The following ATP8B1 variants were observed in gnomAD, a reference collection of about 807,000 sequenced individuals.
ATP8B1 encodes phospholipid-transporting ATPase IC.
A neutral mutation model predicts 149.9 loss-of-function variants in ATP8B1; 80 were observed. That is an observed-to-expected ratio of 0.53 (90% confidence interval 0.45 to 0.64). The LOEUF (loss-of-function observed/expected upper bound fraction) is 0.64. ATP8B1 is among the 30% of genes least tolerant of loss of function. The pLI is 0.00. For synonymous variants in ATP8B1, 536 were observed against 562.8 expected (o/e 0.95, Z 0.67); for missense variants, 1,247 against 1,552.6 (o/e 0.80, Z 3.31).
intron 1 of ATP8B1, among the ~76,000 whole-genome samples, chr18:57,733,551 A>T (rs1042744413): frequency 2.0e-5 from 3 of 152,012 alleles, no homozygotes; most frequent in Non-Finnish European, 2.9e-5. Flanking sequence ...CTAAAAATAT[A>T]AAAAATTAGC....
At position 57,662,479 on chromosome 18, in the gene ATP8B1, G is replaced by A. The variant is rs777913106; in HGVS notation, c.2418+4C>T. ...AAAGGCACAGATACACTAATGATAC[G>A]TACCAACCAAGAACCAGTGATGATT... On this transcript the variant is annotated splice_donor_region_variant and intron_variant, in intron 21 of 27. Coordinates refer to ENST00000648908, the MANE Select transcript of ATP8B1 (RefSeq NM_001374385.1). 1.3e-5 allele frequency: 21 copies of A among 1,613,874 alleles called. No homozygotes were observed. In the Middle Eastern group the frequency reaches 4.9e-4, roughly 38 times the overall value.
rs561967151 is a variant in ATP8B1 at position 57,650,483 on chromosome 18, C to T, written c.3415G>A (p.Ala1139Thr). Residue 1139 changes from alanine to threonine, a missense_variant, in exon 27 of 28, where the codon GCT (alanine) becomes ACT (threonine). Physicochemically the swap from Ala to Thr is moderately conservative, Grantham distance 58 (BLOSUM62 0). Transcript: ENST00000648908. Reference protein sequence around the residue: ...AFQFTGTASNALRQPYIWLTI... With the variant: ...AFQFTGTASNTLRQPYIWLTI... ...AACCAAATGTATGGCTGTCTCAGAG[C>T]GTTTGAAGCTGTGCCTGTAAAGAAC... The T allele has an allele frequency of 1.3e-5, 21 of 1,613,472 alleles. No homozygotes were observed. Among genetic ancestry groups the T allele is most frequent in the South Asian group, 6.6e-5 (6 of 91,060 alleles).
intron 11 of ATP8B1, 34 bp from the exon 12 acceptor site, chr18:57,692,031 A>G: frequency 6.3e-7 from 1 of 1,588,406 alleles, no homozygotes; most frequent in African/African-American, 1.4e-5. Flanking sequence ...TGCATTCTGA[A>G]GATGGATTTC....
rs530973671 is a variant in ATP8B1, at chr18:57,700,896, G to A, written c.554+143C>T. The A allele has an allele frequency of 2.5e-5, 23 of 919,172 alleles. No homozygotes were observed. In the East Asian group the frequency reaches 3.9e-4, roughly 16 times the overall value. 56.9% of individuals were successfully genotyped at this position (919,172 alleles called of 1,614,324 possible). On this transcript the variant is annotated intron_variant, in intron 6 of 27. Transcript: ENST00000648908. ...AACGCTACTGCACTCCAGCCTGGGC[G>A]ACAGAGCGAGACTCTATCTCGAAAA... is the stretch of plus-strand genomic sequence containing the variant.
At chr18:57,675,049 G>A in intron 15 of ATP8B1, 27 bp from the exon 16 acceptor site, 1 of 1,611,488 alleles carries the variant, frequency 6.2e-7, no homozygotes, top group Non-Finnish European at 8.5e-7. Flanking sequence ...AGAAATCCCA[G>A]AAAAGCTGTA....
intron 1 of ATP8B1, among the ~76,000 whole-genome samples, chr18:57,786,170 A>G (rs1179929422): frequency 4.6e-5 from 7 of 152,220 alleles, no homozygotes; most frequent in East Asian, 1.9e-4. Flanking sequence ...CCAAGGTGCT[A>G]TTCTCACCAA....
At chr18:57,743,493 G>A (rs2079937629) in intron 1 of ATP8B1, among the ~76,000 whole-genome samples, 1 of 152,210 alleles carries the variant, frequency 6.6e-6, no homozygotes, top group Non-Finnish European at 1.5e-5. Context: ...GCTTCCCAAT[G>A]TATGCCGCTG....
At chr18:57,761,085 T>TAA (rs2080149923) in intron 1 of ATP8B1, among the ~76,000 whole-genome samples, 2 of 133,032 alleles carry the variant, frequency 1.5e-5, no homozygotes, top group South Asian at 2.3e-4. Flanking sequence ...ATAAATAAAA[T>TAA]AAAATAAAAT....
Position 57,671,191 on chromosome 18 carries a change from C to T in ATP8B1, c.1932+277G>A, listed in dbSNP as rs317839. 0.3 allele frequency among the ~76,000 whole-genome samples: 46,373 copies of T among 152,126 alleles called. 7,681 individuals carry two copies. Among genetic ancestry groups the T allele is most frequent in the East Asian group, 0.65 (3,389 of 5,176 alleles). ...TGGTTATGTAGCTTGCTCAAGGCCA[C>T]TGGAAGAGAGCTAAGCCATTCCCCT... On this transcript the variant is annotated intron_variant, in intron 17 of 27. Transcript: ENST00000648908.
In ATP8B1 at chr18:57,700,964, A is replaced by C. The variant is rs997735206; in HGVS notation, c.554+75T>G. 6 of 1,407,028 alleles carry C rather than the reference A, an allele frequency of 4.3e-6. No individual in the cohort carries two copies. In the African/African-American group the frequency reaches 7.1e-5, roughly 17 times the overall value. The allele number at this position is 1,407,028 out of a possible 1,614,324, so 87.2% of individuals were successfully genotyped here. The stretch of plus-strand genomic sequence containing the variant: ...ACTAATAGCCTTCTACATTGTAATA[A>C]TTATCTCTGAATGTGTTTCTAGGCA... On this transcript the variant is annotated intron_variant, in intron 6 of 27. Coordinates refer to ENST00000648908, the MANE Select transcript of ATP8B1 (RefSeq NM_001374385.1).
chr18:57,705,808 C>T (rs1231919583), intron 3 of ATP8B1, among the ~76,000 whole-genome samples: 2 of 152,176 alleles, frequency 1.3e-5, no homozygotes, highest in African/African-American at 4.8e-5. Context: ...GCTATGGAAG[C>T]CCTTGGCATT....
chr18:57,709,446 T>C (rs1249379302), intron 2 of ATP8B1, among the ~76,000 whole-genome samples: 1 of 152,216 alleles, frequency 6.6e-6, no homozygotes, highest in African/African-American at 2.4e-5. Flanking sequence ...TAGGCACTTT[T>C]TAAAAAATCA....
chr18:57,661,969 T>C (rs1910479419), intron 21 of ATP8B1, among the ~76,000 whole-genome samples: 13 of 152,092 alleles, frequency 8.5e-5, no homozygotes, highest in Admixed American at 8.5e-4. Context: ...CTGCCCGCCT[T>C]GGCCTCCCAA....
chr18:57,672,604 C>T (rs897163318), intron 16 of ATP8B1, among the ~76,000 whole-genome samples: 7 of 151,990 alleles, frequency 4.6e-5, no homozygotes, highest in Admixed American at 1.3e-4. Flanking sequence ...GGGTGGCTCA[C>T]GCCTGTAATC....
At chr18:57,673,250 G>A (rs79943963) in intron 16 of ATP8B1, among the ~76,000 whole-genome samples, 184 of 151,790 alleles carry the variant, frequency 1.2e-3, no homozygotes, top group Non-Finnish European at 2.0e-3. Flanking sequence ...AGATTGAACC[G>A]TCCTTGACTC....
chr18:57,707,023 C>T (rs764949806), intron 2 of ATP8B1, among the ~76,000 whole-genome samples: 3 of 152,168 alleles, frequency 2.0e-5, no homozygotes, highest in African/African-American at 7.2e-5. Context: ...AATGAGGAAG[C>T]AGGCCGGGCG....
At chr18:57,732,035 T>A (rs1006062891) in intron 1 of ATP8B1, 12 of 490,866 alleles carry the variant, frequency 2.4e-5, no homozygotes, top group South Asian at 8.6e-5. Context: ...TAAGATTTTT[T>A]TAAAAAATAT....
At chr18:57,798,604 A>G (rs1003896854) in intron 1 of ATP8B1, among the ~76,000 whole-genome samples, 2 of 152,054 alleles carry the variant, frequency 1.3e-5, no homozygotes, top group African/African-American at 4.8e-5. Context: ...TAAAATAAAT[A>G]AATAAATAAA....
intron 1 of ATP8B1, among the ~76,000 whole-genome samples, chr18:57,801,157 C>T (rs12607889): frequency 0.038 from 5,736 of 152,274 alleles, 308 homozygotes; most frequent in East Asian, 0.2. Flanking sequence ...TGAAAGCAGC[C>T]AGAGCTGACC....
Sources: allele counts gnomAD v4.1 joint callset (sites outside exome capture counted in the v4.1 genomes callset), GRCh38; gene constraint gnomAD v4.1.1; transcripts MANE v1.5; gene names NCBI Gene and HGNC (gene_info 2026-07-23, HGNC 2026-07-21).